MYO5B: variants seen among roughly 807,000 people sequenced by gnomAD.
The protein encoded by MYO5B is unconventional myosin-Vb.
MYO5B carries 143 observed loss-of-function variants against 229.3 expected under a neutral mutation model. The observed-to-expected ratio is 0.62, with a 90% CI of 0.54 to 0.72. The LOEUF is 0.72. Ranked by LOEUF, MYO5B falls within the 30% of genes least tolerant of loss-of-function variation. The pLI is 0.00. For missense variants in MYO5B, 2,321 were observed against 2,331.0 expected, an observed-to-expected ratio of 1.00 and a Z score of 0.09; for synonymous variants, 918 against 885.2, an observed-to-expected ratio of 1.04 and a Z score of -0.66.
At chr18:50,116,836 T>A (rs537687270) in intron 1 of MYO5B, among the ~76,000 whole-genome samples, 27 of 140,848 alleles carry the variant, frequency 1.9e-4, no homozygotes, top group Non-Finnish European at 3.7e-4. Context: ...TGAGAACCAC[T>A]GAGTTACCAA....
chr18:49,904,977 C>G, intron 19 of MYO5B, 149 bp from the exon 20 acceptor site: 1 of 909,802 alleles, frequency 1.1e-6, no homozygotes, highest in South Asian at 1.4e-5. Flanking sequence ...TCACCCCTAA[C>G]AAATGTAGCA....
intron 1 of MYO5B, among the ~76,000 whole-genome samples, chr18:50,070,266 C>T (rs538503303): frequency 1.3e-5 from 2 of 152,144 alleles, no homozygotes; most frequent in East Asian, 1.9e-4. Context: ...TCAGGTGATC[C>T]GTACGCCTCA....
rs1275799597 is a variant in MYO5B at position 49,912,132 on chromosome 18, A to G, written c.2132T>C (p.Val711Ala). 1 of 1,613,872 alleles carries G rather than the reference A, an allele frequency of 6.2e-7. No homozygotes were observed. Among genetic ancestry groups the G allele is most frequent in the African/African-American group, 1.3e-5 (1 of 74,864 alleles). ...HDFFNRYRVLVKKRELANTDK... is the reference protein window; with the variant it reads ...HDFFNRYRVLAKKRELANTDK... ...TGTGTTGGCGAGCTCTCTCTTCTTG[A>G]CCAGCACCCGATACCGGTTGAAAAA... Residue 711 changes from valine (V) to alanine (A), a missense_variant, in exon 18 of 40, where the codon GTC (valine) becomes GCC (alanine). Transcript: ENST00000285039.
At chr18:50,054,023 TG>T (rs1291299342) in intron 2 of MYO5B, among the ~76,000 whole-genome samples, 9 of 152,198 alleles carry the variant, frequency 5.9e-5, no homozygotes, top group Non-Finnish European at 1.5e-5. Flanking sequence ...CCGTAAAGCC[TG>T]CATGAACTAC....
chr18:49,962,234 A>G (rs979059193), intron 12 of MYO5B, 32 bp downstream of exon 12: 1 of 1,613,644 alleles, frequency 6.2e-7, no homozygotes, highest in Admixed American at 1.7e-5. Context: ...TCCCTACCCT[A>G]GAATTGAACT....
intron 10 of MYO5B, among the ~76,000 whole-genome samples, chr18:49,965,701 G>A (rs1320128120): frequency 2.6e-5 from 4 of 152,192 alleles, no homozygotes; most frequent in Admixed American, 6.5e-5. Flanking sequence ...AGAGTCGGTA[G>A]GCAGAGGCAG....
chr18:49,924,084 C>A (rs1426413677), intron 17 of MYO5B, among the ~76,000 whole-genome samples: 2 of 152,158 alleles, frequency 1.3e-5, no homozygotes, highest in Non-Finnish European at 2.9e-5. Flanking sequence ...GACTTCTTTA[C>A]ATGTTTTTTA....
intron 1 of MYO5B, among the ~76,000 whole-genome samples, chr18:50,130,271 A>G (rs1197529557): frequency 1.3e-5 from 2 of 152,224 alleles, no homozygotes; most frequent in East Asian, 3.8e-4. Flanking sequence ...CCTTGAAATA[A>G]AAAGCTTTGC....
Position 49,902,295 on chromosome 18 carries a change from G to GTGA in MYO5B, c.2811+298_2811+299insTCA, listed in dbSNP as rs35204203. Among the ~76,000 whole-genome samples, 86,005 of 151,670 alleles carry GTGA rather than the reference G, an allele frequency of 0.57. 24,616 individuals carry two copies. Among genetic ancestry groups the GTGA allele is most frequent in the African/African-American group, 0.65 (26,688 of 41,334 alleles). On this transcript the variant is annotated intron_variant, in intron 21 of 39. Transcript: ENST00000285039. ...CAGCCTCCCTCTTAGGAGGACCCCT[G>GTGA]TTATATCAAGCTCACCTGGCTCACC...
chr18:49,966,164 A>G (rs920518852), intron 10 of MYO5B, among the ~76,000 whole-genome samples: 2 of 152,166 alleles, frequency 1.3e-5, no homozygotes, highest in African/African-American at 4.8e-5. Flanking sequence ...GGTGCCCAGA[A>G]TACATCAGGC....
intron 17 of MYO5B, among the ~76,000 whole-genome samples, chr18:49,926,977 C>T (rs975468901): frequency 6.6e-6 from 1 of 152,102 alleles, no homozygotes; most frequent in Non-Finnish European, 1.5e-5. Context: ...ACCAGATTTA[C>T]AGAAAGTAGA....
chr18:50,121,220 C>G (rs2032053685), intron 1 of MYO5B, among the ~76,000 whole-genome samples: 1 of 152,172 alleles, frequency 6.6e-6, no homozygotes, highest in South Asian at 2.1e-4. Context: ...CCAGCGTGCC[C>G]ACGTGGTCTT....
chr18:50,089,677 G>A (rs192148107), intron 1 of MYO5B, among the ~76,000 whole-genome samples: 29 of 152,236 alleles, frequency 1.9e-4, no homozygotes, highest in African/African-American at 4.8e-4. Context: ...CAGATGGAAA[G>A]GAAAAGAGGT....
chr18:49,880,387 G>T lies in MYO5B; in HGVS notation c.3114C>A (p.Ile1038=). The T allele has an allele frequency of 1.2e-6, 2 of 1,614,006 alleles. No individual in the cohort carries two copies. Among genetic ancestry groups the T allele is most frequent in the Non-Finnish European group, 1.7e-6 (2 of 1,179,912 alleles). ...GGTACTTACCTTTAGACTGGCACAG[G>T]ATTTGGTTGTTGAGCTGTTCTTTCT... ...KDEKEQLNNQ[I]LCQSKDEFAQ... is the part of the protein sequence containing the mutation. Residue 1038 remains isoleucine, a synonymous_variant, in exon 23 of 40, where the codon ATC becomes ATA. Coordinates refer to ENST00000285039, the MANE Select transcript of MYO5B (RefSeq NM_001080467.3).
chr18:50,120,156 ATCGAG>A (rs2032034155), intron 1 of MYO5B, among the ~76,000 whole-genome samples: 1 of 152,248 alleles, frequency 6.6e-6, no homozygotes, highest in Non-Finnish European at 1.5e-5. Context: ...ACAAAGACTT[ATCGAG>A]CAGTGCTTTC....
chr18:49,984,673 CCAT>C (rs1317409831), intron 8 of MYO5B, 42 bp downstream of exon 8: 2 of 1,433,290 alleles, frequency 1.4e-6, no homozygotes, highest in Non-Finnish European at 2.0e-6. Flanking sequence ...ACCCTCCGTG[CCAT>C]CAGCCCTCGG....
intron 39 of MYO5B, among the ~76,000 whole-genome samples, chr18:49,829,820 T>A (rs930881435): frequency 6.6e-6 from 1 of 152,122 alleles, no homozygotes; most frequent in Non-Finnish European, 1.5e-5. Context: ...ATATACCACA[T>A]TAACAGAATG....
intron 1 of MYO5B, among the ~76,000 whole-genome samples, chr18:50,070,528 G>A (rs1007583962): frequency 4.0e-5 from 6 of 151,742 alleles, no homozygotes; most frequent in Non-Finnish European, 8.8e-5. Context: ...TAGAGCTCAG[G>A]GATGCCGCTA....
At chr18:49,904,921 C>A (rs2024882879) in intron 19 of MYO5B, 93 bp from the exon 20 acceptor site, 1 of 1,452,178 alleles carries the variant, frequency 6.9e-7, no homozygotes, top group Non-Finnish European at 9.4e-7. Context: ...GCAAACCTCT[C>A]CCTCTGTGGC....
Sources: allele counts gnomAD v4.1 joint callset (sites outside exome capture counted in the v4.1 genomes callset), GRCh38; gene constraint gnomAD v4.1.1; transcripts MANE v1.5; gene names NCBI Gene and HGNC (gene_info 2026-07-23, HGNC 2026-07-21).